NRXN3: variants seen among roughly 807,000 people sequenced by gnomAD.
NRXN3 encodes the protein neurexin III.
A neutral mutation model predicts 137.6 loss-of-function variants in NRXN3; 32 were observed. The observed-to-expected ratio is 0.23, with a 90% CI of 0.18 to 0.31. NRXN3 has a LOEUF of 0.31. Ranked by LOEUF, NRXN3 falls within the 10% of genes least tolerant of loss-of-function variation. NRXN3 has a pLI of 1.00. For missense variants in NRXN3, 1,574 were observed against 2,062.5 expected (o/e 0.76, Z 4.59); for synonymous variants, 798 against 784.5 (o/e 1.02, Z -0.29).
At chr14:78,220,590 G>T (rs1352583305) in intron 1 of NRXN3, among the ~76,000 whole-genome samples, 1 of 152,122 alleles carries the variant, frequency 6.6e-6, no homozygotes, top group Non-Finnish European at 1.5e-5. Flanking sequence ...GGATTACAGA[G>T]AATATCTTCA....
At chr14:79,831,098 A>C (rs1416103228) in intron 20 of NRXN3, among the ~76,000 whole-genome samples, 1 of 152,196 alleles carries the variant, frequency 6.6e-6, no homozygotes, top group Non-Finnish European at 1.5e-5. Context: ...TCATAAGGAA[A>C]AGAAAAATGA....
chr14:79,069,406 CA>C (rs1467546197), intron 15 of NRXN3, among the ~76,000 whole-genome samples: 1 of 151,796 alleles, frequency 6.6e-6, no homozygotes, highest in Non-Finnish European at 1.5e-5. Flanking sequence ...ACAAAGTGGA[CA>C]AAAAACCCTG....
intron 16 of NRXN3, among the ~76,000 whole-genome samples, chr14:79,553,880 A>C (rs927569829): frequency 6.6e-6 from 1 of 152,186 alleles, no homozygotes; most frequent in Non-Finnish European, 1.5e-5. Context: ...ACACAATAAC[A>C]GGAGATACTT....
chr14:79,827,063 T>TCA, intron 20 of NRXN3, among the ~76,000 whole-genome samples: 1 of 152,196 alleles, frequency 6.6e-6, no homozygotes, highest in African/African-American at 2.4e-5. Flanking sequence ...ATTTACTGTG[T>TCA]GCTAAGCACT....
At chr14:79,568,701 C>A (rs1261176737) in intron 16 of NRXN3, among the ~76,000 whole-genome samples, 1 of 152,142 alleles carries the variant, frequency 6.6e-6, no homozygotes, top group Non-Finnish European at 1.5e-5. Flanking sequence ...AATGCCCAGT[C>A]CATGATTCAG....
At chr14:78,842,783 G>A (rs2099016265) in intron 10 of NRXN3, among the ~76,000 whole-genome samples, 1 of 152,090 alleles carries the variant, frequency 6.6e-6, no homozygotes, top group Non-Finnish European at 1.5e-5. Context: ...TCTCAGGGAT[G>A]TTGCTTGCTG....
At chr14:78,912,563 T>C (rs1161873496) in intron 10 of NRXN3, among the ~76,000 whole-genome samples, 1 of 152,054 alleles carries the variant, frequency 6.6e-6, no homozygotes, top group East Asian at 1.9e-4. Flanking sequence ...AATATGACAC[T>C]AAAACGAGAT....
At chr14:78,646,204 G>C (rs921205557) in intron 5 of NRXN3, among the ~76,000 whole-genome samples, 5 of 152,164 alleles carry the variant, frequency 3.3e-5, no homozygotes, top group Non-Finnish European at 5.9e-5. Flanking sequence ...AACATTCTCA[G>C]AAAGCCTTAG....
chr14:78,875,548 C>G (rs154307), intron 10 of NRXN3, among the ~76,000 whole-genome samples: 1 of 151,916 alleles, frequency 6.6e-6, no homozygotes, highest in Non-Finnish European at 1.5e-5. Context: ...TATATGGTAC[C>G]CTGTTGGGAA....
chr14:78,196,992 A>G (rs1203428016), intron 1 of NRXN3, among the ~76,000 whole-genome samples: 1 of 152,116 alleles, frequency 6.6e-6, no homozygotes, highest in Non-Finnish European at 1.5e-5. Context: ...GAGCTGGAGG[A>G]TGTTATGACC....
At chr14:78,661,113 C>G (rs2097837403) in intron 6 of NRXN3, among the ~76,000 whole-genome samples, 1 of 152,122 alleles carries the variant, frequency 6.6e-6, no homozygotes, top group South Asian at 2.1e-4. Flanking sequence ...GTAGATAATG[C>G]AAACAATGAA....
At chr14:78,813,270 A>G (rs1034930231) in intron 10 of NRXN3, among the ~76,000 whole-genome samples, 6 of 152,218 alleles carry the variant, frequency 3.9e-5, no homozygotes, top group African/African-American at 1.4e-4. Flanking sequence ...AAGGGCCTAC[A>G]TGATCCGAAC....
At chr14:79,713,731 G>A (rs1230966697) in intron 19 of NRXN3, among the ~76,000 whole-genome samples, 1 of 150,196 alleles carries the variant, frequency 6.7e-6, no homozygotes, top group Non-Finnish European at 1.5e-5. Flanking sequence ...TCCCTTAAGA[G>A]CCCTTATTTT....
intron 16 of NRXN3, among the ~76,000 whole-genome samples, chr14:79,622,037 T>G (rs924527884): frequency 2.0e-5 from 3 of 152,180 alleles, no homozygotes; most frequent in Admixed American, 1.3e-4. Context: ...TGAGAGGCAC[T>G]GGGCTAGAAT....
At chr14:78,280,756 C>A (rs2074298414) in intron 3 of NRXN3, among the ~76,000 whole-genome samples, 4 of 152,156 alleles carry the variant, frequency 2.6e-5, no homozygotes, top group Admixed American at 2.6e-4. Flanking sequence ...GAGTGAAATG[C>A]AGTGGACCCA....
chr14:79,527,024 C>A (rs1027578584), intron 16 of NRXN3, among the ~76,000 whole-genome samples: 1 of 152,126 alleles, frequency 6.6e-6, no homozygotes, highest in African/African-American at 2.4e-5. Flanking sequence ...CAGTGGCTCA[C>A]GCCTGTAATC....
intron 16 of NRXN3, among the ~76,000 whole-genome samples, chr14:79,560,687 T>C (rs150019897): frequency 0.011 from 1,712 of 151,658 alleles, 21 homozygotes; most frequent in Middle Eastern, 0.034. Flanking sequence ...TACAAGCATG[T>C]GCCACCAGGC....
At chr14:78,799,485 C>T (rs912182093) in intron 8 of NRXN3, among the ~76,000 whole-genome samples, 8 of 152,176 alleles carry the variant, frequency 5.3e-5, no homozygotes, top group African/African-American at 1.9e-4. Flanking sequence ...TCCAAACTTT[C>T]CCATGTTTTT....
At chr14:78,636,352 G>C (rs2097566720) in intron 4 of NRXN3, among the ~76,000 whole-genome samples, 1 of 151,950 alleles carries the variant, frequency 6.6e-6, no homozygotes, top group African/African-American at 2.4e-5. Flanking sequence ...TTACTGCATG[G>C]GACTGCCTAA....
Sources: allele counts gnomAD v4.1 joint callset (sites outside exome capture counted in the v4.1 genomes callset), GRCh38; gene constraint gnomAD v4.1.1; transcripts MANE v1.5; gene names NCBI Gene and HGNC (gene_info 2026-07-23, HGNC 2026-07-21).